The following CDH13 variants were observed in gnomAD, a reference collection of about 807,000 sequenced individuals.
CDH13 encodes the protein cadherin 13.
A neutral mutation model predicts 63.8 loss-of-function variants in CDH13; 24 were observed. That is an observed-to-expected ratio of 0.38 (90% CI 0.27 to 0.53). The LOEUF is 0.53. Among genes scored for constraint, CDH13 ranks in the 20% least tolerant of loss-of-function variants. The probability of loss-of-function intolerance (pLI) is 0.85; values close to 1 mark genes in which losing one functional copy is unlikely to be tolerated. For synonymous variants in CDH13, 503 were observed against 355.3 expected (o/e 1.42, Z -4.67); for missense variants, 1,049 against 903.1 (o/e 1.16, Z -2.07).
At chr16:83,568,455 T>C (rs62040169) in intron 7 of CDH13, among the ~76,000 whole-genome samples, 13,492 of 152,178 alleles carry the variant, frequency 0.089, 878 homozygotes, top group African/African-American at 0.17. Flanking sequence ...ATAATGAATG[T>C]CCGCACATGT....
At chr16:83,123,525 C>A (rs2035680517) in intron 3 of CDH13, among the ~76,000 whole-genome samples, 1 of 152,132 alleles carries the variant, frequency 6.6e-6, no homozygotes, top group African/African-American at 2.4e-5. Flanking sequence ...GTTATCCACC[C>A]TCCTCAGCCT....
chr16:83,451,477 G>T (rs2072885600), intron 6 of CDH13, among the ~76,000 whole-genome samples: 1 of 152,098 alleles, frequency 6.6e-6, no homozygotes, highest in Non-Finnish European at 1.5e-5. Flanking sequence ...TCAAGATTTG[G>T]GTGGGGACAC....
At chr16:83,434,203 C>G (rs2151486846) in intron 6 of CDH13, among the ~76,000 whole-genome samples, 1 of 152,292 alleles carries the variant, frequency 6.6e-6, no homozygotes, top group Admixed American at 6.5e-5. Flanking sequence ...TCTCAACGAA[C>G]TCTGCTCCAG....
At chr16:83,594,307 C>A in intron 7 of CDH13, among the ~76,000 whole-genome samples, 1 of 152,164 alleles carries the variant, frequency 6.6e-6, no homozygotes, top group Admixed American at 6.5e-5. Context: ...CTCACGTATC[C>A]TATAAGGATT....
intron 5 of CDH13, among the ~76,000 whole-genome samples, chr16:83,281,649 C>T (rs554223934): frequency 8.5e-5 from 13 of 152,076 alleles, no homozygotes; most frequent in African/African-American, 3.1e-4. Context: ...TGGCTGACAC[C>T]TGTAATCCCC....
chr16:83,075,988 A>G (rs1159026984), intron 3 of CDH13, among the ~76,000 whole-genome samples: 1 of 152,212 alleles, frequency 6.6e-6, no homozygotes, highest in African/African-American at 2.4e-5. Context: ...ATGAGAGGGG[A>G]AAATAATCTA....
At chr16:83,681,690 G>A (rs900495372) in intron 10 of CDH13, among the ~76,000 whole-genome samples, 2 of 152,162 alleles carry the variant, frequency 1.3e-5, no homozygotes, top group East Asian at 3.8e-4. Flanking sequence ...GGAGCTCTTT[G>A]GGAAAAAGAG....
At chr16:83,584,068 G>A (rs955004748) in intron 7 of CDH13, among the ~76,000 whole-genome samples, 18 of 152,124 alleles carry the variant, frequency 1.2e-4, no homozygotes, top group Non-Finnish European at 5.9e-5. Context: ...GGTGGCTCAC[G>A]CCTGTAATCC....
intron 5 of CDH13, among the ~76,000 whole-genome samples, chr16:83,227,819 C>T (rs894893370): frequency 2.6e-5 from 4 of 152,158 alleles, no homozygotes; most frequent in African/African-American, 9.7e-5. Flanking sequence ...TTCAGCTCAA[C>T]CTGGGGGCCG....
chr16:83,209,346 G>A (rs568786140), intron 4 of CDH13, among the ~76,000 whole-genome samples: 9 of 152,222 alleles, frequency 5.9e-5, no homozygotes, highest in African/African-American at 2.2e-4. Flanking sequence ...CCTCCAGGTC[G>A]GCCACTCCCA....
chr16:82,669,092 C>T (rs577302827), intron 1 of CDH13, among the ~76,000 whole-genome samples: 13 of 152,322 alleles, frequency 8.5e-5, no homozygotes, highest in Admixed American at 8.5e-4. Flanking sequence ...AGAGAAGCCA[C>T]AAACTAGCAT....
intron 7 of CDH13, among the ~76,000 whole-genome samples, chr16:83,569,724 A>T (rs1036354970): frequency 4.6e-5 from 7 of 152,016 alleles, no homozygotes; most frequent in African/African-American, 1.7e-4. Flanking sequence ...GGGGAAGCCA[A>T]TGGTTTTTTT....
intron 7 of CDH13, among the ~76,000 whole-genome samples, chr16:83,596,077 C>T (rs940829271): frequency 6.6e-6 from 1 of 152,188 alleles, no homozygotes; most frequent in East Asian, 1.9e-4. Context: ...GAGCCTTGAA[C>T]CAAAGAAACA....
intron 4 of CDH13, among the ~76,000 whole-genome samples, chr16:83,127,104 G>A (rs567022413): frequency 1.3e-5 from 2 of 152,324 alleles, no homozygotes; most frequent in East Asian, 3.9e-4. Context: ...GCAGAGGTGA[G>A]TCTACATTGC....
chr16:83,191,334 C>T (rs774745840), intron 4 of CDH13, among the ~76,000 whole-genome samples: 43 of 147,738 alleles, frequency 2.9e-4, no homozygotes, highest in Non-Finnish European at 4.2e-4. Context: ...ACATTGTTAA[C>T]TTTTGTGCCT....
intron 10 of CDH13, among the ~76,000 whole-genome samples, chr16:83,746,735 A>T (rs1299694172): frequency 1.3e-5 from 2 of 152,228 alleles, no homozygotes; most frequent in East Asian, 1.9e-4. Context: ...AATGGCAGCA[A>T]AGTGCCAACA....
chr16:83,002,939 A>G (rs572517241), intron 2 of CDH13, among the ~76,000 whole-genome samples: 1 of 152,344 alleles, frequency 6.6e-6, no homozygotes, highest in Admixed American at 6.5e-5. Context: ...TCTATTGAGC[A>G]TGTACCAAAT....
intron 11 of CDH13, among the ~76,000 whole-genome samples, chr16:83,748,688 A>G (rs1260026220): frequency 6.6e-6 from 1 of 152,220 alleles, no homozygotes. Context: ...AAGGAAAGGC[A>G]TCAGGTACCC....
chr16:82,627,113 C>A lies in CDH13; in HGVS notation c.21C>A (p.Leu7=). Residue 7 remains leucine, a synonymous_variant, in exon 1 of 14, where the codon CTC becomes CTA. Transcript: ENST00000567109. The part of the protein sequence containing the change: MQPRTP[L]VLCVLLSQVL... ...ACAAAATGCAGCCGAGAACTCCGCT[C>A]GTTCTGTGCGTTCTCCTGTCCCAGG... 1 of 1,606,112 alleles carries A rather than the reference C, an allele frequency of 6.2e-7. No homozygotes were observed.
Sources: gnomAD v4.1 joint callset for allele counts (sites outside exome capture counted in the v4.1 genomes callset) on GRCh38, gnomAD v4.1.1 for gene constraint, MANE v1.5 for transcripts, NCBI Gene and HGNC (gene_info 2026-07-23, HGNC 2026-07-21) for gene names.